The following MON2 variants were observed in gnomAD, a reference collection of about 807,000 sequenced individuals.
MON2 encodes the protein protein MON2 homolog.
Under a neutral mutation model 208.6 loss-of-function variants are expected in MON2, and 84 were observed. That is an observed-to-expected ratio of 0.40 (90% CI 0.34 to 0.48). The LOEUF is 0.48. MON2 is among the 20% of genes least tolerant of loss of function. The pLI is 0.59. For synonymous variants in MON2, 660 were observed against 694.0 expected (o/e 0.95, Z 0.77); for missense variants, 1,611 against 2,015.4 (o/e 0.80, Z 3.84).
At chr12:62,520,420 A>G (rs549070443) in intron 8 of MON2, among the ~76,000 whole-genome samples, 40 of 99,582 alleles carry the variant, frequency 4.0e-4, no homozygotes, top group Admixed American at 4.3e-4. Context: ...TTTACCCTAA[A>G]GTGACAGGCG....
intron 32 of MON2, among the ~76,000 whole-genome samples, chr12:62,583,702 A>C (rs1020468899): frequency 1.3e-5 from 2 of 151,504 alleles, no homozygotes; most frequent in African/African-American, 4.9e-5. Flanking sequence ...TAATCCCAGC[A>C]CTATGGGAGG....
intron 1 of MON2, among the ~76,000 whole-genome samples, chr12:62,472,186 T>A (rs2068821369): frequency 6.6e-6 from 1 of 152,166 alleles, no homozygotes; most frequent in Non-Finnish European, 1.5e-5. Flanking sequence ...GACTGGATGA[T>A]GATGGGAAGG....
At chr12:62,561,524 TAAAA>T (rs891020433) in intron 26 of MON2, among the ~76,000 whole-genome samples, 2 of 151,966 alleles carry the variant, frequency 1.3e-5, no homozygotes, top group African/African-American at 4.8e-5. Context: ...AAGCCTATAT[TAAAA>T]AAAGAAATTT....
chr12:62,495,892 A>G (rs2070449595), intron 4 of MON2, among the ~76,000 whole-genome samples: 2 of 151,952 alleles, frequency 1.3e-5, no homozygotes, highest in South Asian at 4.1e-4. Flanking sequence ...TCATTTTGTC[A>G]TCACTCCCAC....
intron 32 of MON2, among the ~76,000 whole-genome samples, chr12:62,583,390 G>A (rs895990582): frequency 3.1e-4 from 40 of 127,308 alleles, no homozygotes; most frequent in African/African-American, 1.3e-3. Flanking sequence ...GTAGAGTTCA[G>A]TGAAAGGTAG....
chr12:62,548,571 T>G (rs1402972771), intron 22 of MON2, among the ~76,000 whole-genome samples: 1 of 152,184 alleles, frequency 6.6e-6, no homozygotes, highest in Non-Finnish European at 1.5e-5. Flanking sequence ...TTTTCTTAAA[T>G]ATTTATAGTA....
chr12:62,482,308 G>A (rs2135993669), intron 1 of MON2: 1 of 152,288 alleles, frequency 6.6e-6, no homozygotes, highest in Admixed American at 6.5e-5. Context: ...GACATGCTTG[G>A]AGCCAACAAA....
At chr12:62,499,571 A>G (rs185372834) in intron 5 of MON2, among the ~76,000 whole-genome samples, 1 of 152,254 alleles carries the variant, frequency 6.6e-6, no homozygotes, top group African/African-American at 2.4e-5. Flanking sequence ...GAACATTTAA[A>G]TAATATAAAA....
chr12:62,594,924 TG>T lies in MON2; in HGVS notation c.*2176del, dbSNP rs2075492888. On this transcript the variant is annotated 3_prime_UTR_variant, in exon 35 of 35. Transcript: ENST00000393630. Reference sequence around the variant, plus strand: ...ACCCTCCAAGAGTCACTACAGTAATTGATTGCTGGCATGGAACACATTGCCC... The same window carrying T: ...ACCCTCCAAGAGTCACTACAGTAATTATTGCTGGCATGGAACACATTGCCC... 1 of 152,138 alleles carries T rather than the reference TG, an allele frequency of 6.6e-6. No individual in the cohort carries two copies. Among genetic ancestry groups the T allele is most frequent in the Non-Finnish European group, 1.5e-5 (1 of 68,034 alleles). The allele number at this position is 152,138 out of a possible 1,614,324, so 9.4% of individuals were successfully genotyped here.
Position 62,466,933 on chromosome 12 carries a change from G to A in MON2, c.-275G>A, listed in dbSNP as rs192909077. Reference sequence around the variant, plus strand: ...GGTGTGGCTGGGCCCCGCGGCAGCGGAGGGACCTGCCCGCCTTGTGGGTTT... The same window carrying A: ...GGTGTGGCTGGGCCCCGCGGCAGCGAAGGGACCTGCCCGCCTTGTGGGTTT... On this transcript the variant is annotated 5_prime_UTR_variant, in exon 1 of 35. Transcript: ENST00000393630. The A allele has an allele frequency of 7.0e-4, 350 of 503,230 alleles. No homozygotes were observed. The highest frequency in any genetic ancestry group is 6.5e-3 in the African/African-American group (327 of 50,108). 31.2% of individuals were successfully genotyped at this position (503,230 alleles called of 1,614,324 possible). A position where few individuals can be genotyped will look rare whatever the true frequency, so the allele number is the denominator to read the frequency against.
chr12:62,535,530 A>T lies in MON2; in HGVS notation c.1721A>T (p.Asp574Val). 1 of 1,602,878 alleles carries T rather than the reference A, an allele frequency of 6.2e-7. No individual in the cohort carries two copies. Among genetic ancestry groups the T allele is most frequent in the South Asian group, 1.1e-5 (1 of 88,908 alleles). ...ATAAAATACTTTCTTTTCAGCACAG[A>T]TGAAGCTGCCACTGAGAATATTTTA... ...ALSLLLDAST[D>V]EAATENILKA... The change falls in exon 14 of 35, where the codon GAT becomes GTT. Residue 574 changes from aspartate to valine, a missense_variant. Asp to Val is a radical substitution (Grantham distance 152). Transcript: ENST00000393630.
At chr12:62,565,212 T>A (rs751862437) in intron 26 of MON2, 25 bp from the exon 27 acceptor site, 4 of 1,606,082 alleles carry the variant, frequency 2.5e-6, no homozygotes, top group Admixed American at 1.7e-5. Flanking sequence ...TTATGCATTC[T>A]AATGTTCTTA....
At chr12:62,482,526 C>T (rs137897458) in intron 1 of MON2, 2 of 152,236 alleles carry the variant, frequency 1.3e-5, no homozygotes, top group African/African-American at 4.8e-5. Flanking sequence ...AATAAGAAAA[C>T]TTGTACATAT....
intron 2 of MON2, 45 bp from the exon 3 acceptor site, chr12:62,493,870 A>T (rs1350738953): frequency 7.5e-7 from 1 of 1,333,378 alleles, no homozygotes; most frequent in Admixed American, 2.7e-5. Context: ...ATTCTTAATT[A>T]TAGATTAATT....
At chr12:62,546,107 T>G (rs921393347) in intron 21 of MON2, among the ~76,000 whole-genome samples, 1 of 152,180 alleles carries the variant, frequency 6.6e-6, no homozygotes, top group Non-Finnish European at 1.5e-5. Context: ...GTCATCTTTG[T>G]TAATATCTGC....
intron 1 of MON2, among the ~76,000 whole-genome samples, chr12:62,470,115 G>C (rs1388945013): frequency 2.0e-5 from 3 of 151,692 alleles, no homozygotes; most frequent in Non-Finnish European, 2.9e-5. Flanking sequence ...CCATGTTGCC[G>C]AGGCTTGTCT....
At position 62,582,911 on chromosome 12, in the gene MON2, T is replaced by C. The variant is rs192254463; in HGVS notation, c.4700-2383T>C. On this transcript the variant is annotated intron_variant, in intron 32 of 34. Transcript: ENST00000393630. ...CACCAAAGAGAAAGACCAAAACAAA[T>C]GAAGAGAGAGTAAAAGAAATTGGAA... Among the ~76,000 whole-genome samples the C allele has an allele frequency of 8.1e-4, 123 of 151,498 alleles. 1 individual carries two copies. The highest frequency in any genetic ancestry group is 1.7e-3 in the Non-Finnish European group (113 of 67,868).
chr12:62,498,749 A>G (rs894610302), intron 4 of MON2, among the ~76,000 whole-genome samples, 170 bp from the exon 5 acceptor site: 2 of 152,226 alleles, frequency 1.3e-5, no homozygotes, highest in Non-Finnish European at 2.9e-5. Context: ...CTGTGGCTAT[A>G]TATTTACTGA....
chr12:62,528,178 A>G (rs1007309040), intron 11 of MON2, among the ~76,000 whole-genome samples: 2 of 152,160 alleles, frequency 1.3e-5, no homozygotes, highest in African/African-American at 4.8e-5. Flanking sequence ...TAGTATGTTC[A>G]CACTGGAGCT....
Sources: gnomAD v4.1 joint callset for allele counts (sites outside exome capture counted in the v4.1 genomes callset) on GRCh38, gnomAD v4.1.1 for gene constraint, MANE v1.5 for transcripts, NCBI Gene and HGNC (gene_info 2026-07-23, HGNC 2026-07-21) for gene names.